The following B3GALT1 variants were observed in gnomAD, a reference collection of about 807,000 sequenced individuals.
B3GALT1 encodes the protein beta-1,3-galactosyltransferase 1.
In B3GALT1, 10 loss-of-function variants were observed where a neutral mutation model predicts 23.2. The ratio of observed to expected loss-of-function variants is 0.43; its 90% confidence interval spans 0.27 to 0.73. The LOEUF is 0.73. B3GALT1 is among the 30% of genes least tolerant of loss of function. The pLI is 0.21. For synonymous variants in B3GALT1, 156 were observed against 141.5 expected (o/e 1.10, Z -0.73); for missense variants, 299 against 405.4 (o/e 0.74, Z 2.25).
At chr2:167,483,219 G>C in intron 1 of B3GALT1, among the ~76,000 whole-genome samples, 1 of 152,144 alleles carries the variant, frequency 6.6e-6, no homozygotes, top group East Asian at 2.0e-4. Context: ...CTTGAACCTG[G>C]GAGATGGAGG....
At position 167,403,529 on chromosome 2, in the gene B3GALT1, T is replaced by C. The variant is rs1301806220; in HGVS notation, c.-510-86648T>C. ...AAAAAAAAAAGACTCAGAGTTTTGG[T>C]TTGTACAGATATGGTTTTGGTTGAC... On this transcript the variant is annotated intron_variant, in intron 1 of 4. Coordinates refer to ENST00000392690, the MANE Select transcript of B3GALT1 (RefSeq NM_020981.4). Among the ~76,000 whole-genome samples the C allele has an allele frequency of 2.6e-5, 4 of 151,992 alleles. No homozygotes were observed. In the East Asian group the frequency reaches 5.8e-4, roughly 22 times the overall value.
At chr2:167,438,939 C>T (rs750044282) in intron 1 of B3GALT1, among the ~76,000 whole-genome samples, 3 of 152,116 alleles carry the variant, frequency 2.0e-5, no homozygotes, top group Admixed American at 6.5e-5. Context: ...CCATCTATAG[C>T]GCATAGAAAG....
intron 1 of B3GALT1, among the ~76,000 whole-genome samples, chr2:167,475,617 A>G (rs1297348750): frequency 6.6e-6 from 1 of 152,180 alleles, no homozygotes; most frequent in Non-Finnish European, 1.5e-5. Flanking sequence ...CTTGGTTAAG[A>G]TGGAAAAGGC....
chr2:167,450,242 A>G (rs1388650720), intron 1 of B3GALT1, among the ~76,000 whole-genome samples: 1 of 150,634 alleles, frequency 6.6e-6, no homozygotes, highest in Admixed American at 6.6e-5. Flanking sequence ...TTTGTTGGCA[A>G]TTTTTTTTAT....
intron 2 of B3GALT1, among the ~76,000 whole-genome samples, chr2:167,528,328 C>T (rs2105366072): frequency 6.6e-6 from 1 of 152,244 alleles, no homozygotes; most frequent in South Asian, 2.1e-4. Flanking sequence ...AGACTCTGCC[C>T]TTTGGCCTCT....
At chr2:167,866,768 T>C (rs896185213) in intron 4 of B3GALT1, among the ~76,000 whole-genome samples, 1 of 152,080 alleles carries the variant, frequency 6.6e-6, no homozygotes, top group African/African-American at 2.4e-5. Context: ...AGTAGGAAAG[T>C]ATGCAAGAGG....
At chr2:167,379,682 A>G (rs1034033617) in intron 1 of B3GALT1, among the ~76,000 whole-genome samples, 5 of 152,168 alleles carry the variant, frequency 3.3e-5, no homozygotes, top group African/African-American at 1.2e-4. Context: ...GCTTAGTGGA[A>G]TGTATAGTGG....
chr2:167,404,967 A>C (rs1461629951), intron 1 of B3GALT1, among the ~76,000 whole-genome samples: 1 of 152,210 alleles, frequency 6.6e-6, no homozygotes, highest in Non-Finnish European at 1.5e-5. Flanking sequence ...TTACGAGCAC[A>C]GGAAAAAATC....
intron 3 of B3GALT1, among the ~76,000 whole-genome samples, chr2:167,679,096 GTTTTTGTTTTTGTT>G (rs1319793690): frequency 2.1e-5 from 3 of 145,146 alleles, no homozygotes; most frequent in Admixed American, 1.4e-4. Context: ...ATTGTTTTTT[GTTTTTGTTTTTGTT>G]TTTTTGTTTT....
At chr2:167,519,364 CA>C (rs1187169516) in intron 2 of B3GALT1, among the ~76,000 whole-genome samples, 1 of 151,982 alleles carries the variant, frequency 6.6e-6, no homozygotes, top group Non-Finnish European at 1.5e-5. Context: ...TGAGCAATAC[CA>C]AACTTAAAAA....
At chr2:167,512,602 A>ATGTG (rs1366008070) in intron 2 of B3GALT1, among the ~76,000 whole-genome samples, 2 of 103,782 alleles carry the variant, frequency 1.9e-5, no homozygotes, top group African/African-American at 1.0e-4. Flanking sequence ...GTGTATATAT[A>ATGTG]TATATGTATA....
intron 1 of B3GALT1, among the ~76,000 whole-genome samples, chr2:167,393,834 C>T (rs890137736): frequency 6.6e-6 from 1 of 152,172 alleles, no homozygotes; most frequent in African/African-American, 2.4e-5. Flanking sequence ...AGCCCTTATC[C>T]ACTTGTCTGA....
intron 1 of B3GALT1, among the ~76,000 whole-genome samples, chr2:167,458,619 A>G (rs138357528): frequency 2.4e-4 from 36 of 152,152 alleles, no homozygotes; most frequent in Non-Finnish European, 4.4e-4. Context: ...AACACTTGCT[A>G]TTTTCTGTGG....
intron 2 of B3GALT1, among the ~76,000 whole-genome samples, chr2:167,569,299 A>G (rs544353858): frequency 1.3e-5 from 2 of 152,086 alleles, no homozygotes; most frequent in Admixed American, 6.6e-5. Context: ...GAATCAATAC[A>G]TCAACATCTT....
At chr2:167,519,293 GC>G (rs1316015045) in intron 2 of B3GALT1, among the ~76,000 whole-genome samples, 1 of 152,106 alleles carries the variant, frequency 6.6e-6, no homozygotes, top group Non-Finnish European at 1.5e-5. Flanking sequence ...TTGAGAAATG[GC>G]CCGCTGCTAG....
rs549936096 is a variant in B3GALT1, at chr2:167,701,351, G to A, written c.-352+54385G>A. Among the ~76,000 whole-genome samples the A allele has an allele frequency of 2.0e-5, 3 of 152,220 alleles. No individual in the cohort carries two copies. The East Asian group carries it at 5.8e-4, about 29-fold the overall frequency. On this transcript the variant is annotated intron_variant, in intron 3 of 4. Transcript: ENST00000392690. ...GAAGAGTCTTGGTGCTAGGTGTGGC[G>A]GGGTGACTAGCTGAAGATTTCCAGT...
intron 3 of B3GALT1, among the ~76,000 whole-genome samples, chr2:167,672,308 T>C (rs1422658935): frequency 1.3e-5 from 2 of 152,064 alleles, no homozygotes; most frequent in African/African-American, 2.4e-5. Flanking sequence ...TTTAAAATAT[T>C]ATTTTCTCAA....
chr2:167,407,459 A>G (rs1276598917), intron 1 of B3GALT1, among the ~76,000 whole-genome samples: 2 of 152,140 alleles, frequency 1.3e-5, no homozygotes, highest in Non-Finnish European at 2.9e-5. Flanking sequence ...AGCCCAGCCT[A>G]TAATTAGTAG....
intron 1 of B3GALT1, among the ~76,000 whole-genome samples, chr2:167,375,569 A>G (rs941503367): frequency 2.2e-4 from 34 of 151,918 alleles, no homozygotes; most frequent in African/African-American, 8.2e-4. Flanking sequence ...TTGGTTAGAT[A>G]TATTCCTAGG....
Sources: gnomAD v4.1 joint callset for allele counts (sites outside exome capture counted in the v4.1 genomes callset) on GRCh38, gnomAD v4.1.1 for gene constraint, MANE v1.5 for transcripts, NCBI Gene and HGNC (gene_info 2026-07-23, HGNC 2026-07-21) for gene names.